The following CHN1 variants were observed in gnomAD, a reference collection of about 807,000 sequenced individuals.
The protein encoded by CHN1 is chimerin 1.
CHN1 carries 37 observed loss-of-function variants against 59.5 expected under a neutral mutation model. The observed-to-expected ratio is 0.62, with a 90% CI of 0.48 to 0.82. The LOEUF (loss-of-function observed/expected upper bound fraction) is 0.82, where lower values mean the gene tolerates loss of function less well. Ranked by LOEUF, CHN1 falls within the 40% of genes least tolerant of loss-of-function variation. The pLI is 0.00. For synonymous variants in CHN1, 206 were observed against 200.4 expected (o/e 1.03, Z -0.24); for missense variants, 469 against 571.0 (o/e 0.82, Z 1.82).
chr2:174,805,853 C>T (rs941438495), intron 11 of CHN1, among the ~76,000 whole-genome samples: 3 of 152,164 alleles, frequency 2.0e-5, no homozygotes, highest in Non-Finnish European at 4.4e-5. Flanking sequence ...GGCTTCTCTT[C>T]CAGAGATTTC....
intron 5 of CHN1, among the ~76,000 whole-genome samples, chr2:174,883,067 A>G (rs1458942379): frequency 6.6e-6 from 1 of 152,210 alleles, no homozygotes; most frequent in Admixed American, 6.5e-5. Flanking sequence ...AATCATTTTC[A>G]GTGAAGAAGA....
intron 8 of CHN1, among the ~76,000 whole-genome samples, chr2:174,821,400 T>C (rs1685491573): frequency 6.6e-6 from 1 of 152,138 alleles, no homozygotes; most frequent in African/African-American, 2.4e-5. Flanking sequence ...TCGCCTCCCT[T>C]TTATAAGGGC....
chr2:174,952,100 A>G, intron 2 of CHN1, 64 bp downstream of exon 2: 1 of 1,001,106 alleles, frequency 1.0e-6, no homozygotes, highest in Non-Finnish European at 1.4e-6. Context: ...TTTCTATCTA[A>G]TAATCCCATA....
At chr2:174,883,895 A>G (rs1446722663) in intron 5 of CHN1, among the ~76,000 whole-genome samples, 1 of 151,850 alleles carries the variant, frequency 6.6e-6, no homozygotes, top group Non-Finnish European at 1.5e-5. Flanking sequence ...TTAAAGAACA[A>G]AAAGACAAAA....
intron 7 of CHN1, chr2:174,846,520 G>T: frequency 7.3e-7 from 1 of 1,366,720 alleles, no homozygotes; most frequent in Non-Finnish European, 9.6e-7. Context: ...CAGAAACACA[G>T]ATCTAATCCT....
chr2:174,945,923 G>A (rs997474467), intron 2 of CHN1, among the ~76,000 whole-genome samples: 1 of 145,654 alleles, frequency 6.9e-6, no homozygotes, highest in Non-Finnish European at 1.5e-5. Context: ...GTGTGTGTGT[G>A]TGTGTGTGTA....
intron 6 of CHN1, among the ~76,000 whole-genome samples, chr2:174,850,922 T>C (rs1023838494): frequency 1.3e-5 from 2 of 152,160 alleles, no homozygotes; most frequent in Admixed American, 1.3e-4. Flanking sequence ...CCCACAGCCA[T>C]CCTGGGAAGC....
intron 5 of CHN1, among the ~76,000 whole-genome samples, chr2:174,906,620 T>C (rs2105362063): frequency 6.6e-6 from 1 of 151,986 alleles, no homozygotes; most frequent in Admixed American, 6.6e-5. Context: ...TTTAAAAAAG[T>C]AAGATATGAG....
At chr2:174,923,092 G>A (rs1056382105) in intron 3 of CHN1, among the ~76,000 whole-genome samples, 4 of 151,926 alleles carry the variant, frequency 2.6e-5, no homozygotes, top group African/African-American at 9.7e-5. Flanking sequence ...AAAGAAAAAT[G>A]TATTCGTACA....
intron 5 of CHN1, among the ~76,000 whole-genome samples, chr2:174,880,837 C>A (rs1041557426): frequency 6.6e-6 from 1 of 152,152 alleles, no homozygotes; most frequent in East Asian, 1.9e-4. Flanking sequence ...CACCTGAGGT[C>A]GGGAGTTTGA....
At chr2:174,828,438 G>T (rs992115331) in intron 7 of CHN1, among the ~76,000 whole-genome samples, 2 of 152,074 alleles carry the variant, frequency 1.3e-5, no homozygotes, top group African/African-American at 2.4e-5. Flanking sequence ...TGATGTTTAC[G>T]TCACATACTT....
intron 3 of CHN1, among the ~76,000 whole-genome samples, chr2:174,927,054 G>A (rs964677586): frequency 1.7e-4 from 26 of 151,934 alleles, no homozygotes; most frequent in African/African-American, 5.1e-4. Flanking sequence ...CACTGCGCCC[G>A]GCCTACCCAC....
intron 6 of CHN1, among the ~76,000 whole-genome samples, chr2:174,871,051 A>G (rs1030946395): frequency 9.2e-5 from 14 of 152,108 alleles, no homozygotes; most frequent in East Asian, 1.9e-4. Context: ...GGAAGGATGG[A>G]TGAGATTCAC....
intron 7 of CHN1, among the ~76,000 whole-genome samples, chr2:174,843,966 C>G (rs1181478631): frequency 7.7e-6 from 1 of 130,578 alleles, no homozygotes; most frequent in Non-Finnish European, 1.7e-5. Flanking sequence ...TTTGTTCTCT[C>G]TCTTTCTCTG....
intron 1 of CHN1, among the ~76,000 whole-genome samples, chr2:174,959,721 G>A (rs188778286): frequency 6.6e-6 from 1 of 152,298 alleles, no homozygotes; most frequent in East Asian, 1.9e-4. Context: ...CACACAAAAA[G>A]CTTCTGCGTT....
chr2:174,816,148 A>T (rs1685250165), intron 8 of CHN1, among the ~76,000 whole-genome samples: 1 of 152,200 alleles, frequency 6.6e-6, no homozygotes, highest in African/African-American at 2.4e-5. Context: ...CAGCTGCCTC[A>T]TTACTGCAGG....
At chr2:174,828,172 AG>A (rs1433134796) in intron 7 of CHN1, among the ~76,000 whole-genome samples, 1 of 152,190 alleles carries the variant, frequency 6.6e-6, no homozygotes, top group Non-Finnish European at 1.5e-5. Context: ...AGCATCAGGA[AG>A]GAAGTTCAGT....
At chr2:174,845,013 G>C (rs973056164) in intron 7 of CHN1, among the ~76,000 whole-genome samples, 2 of 152,154 alleles carry the variant, frequency 1.3e-5, no homozygotes, top group Non-Finnish European at 1.5e-5. Context: ...ACCAAGGTAA[G>C]AGTTACAGTT....
chr2:174,811,138 T>A (rs545504237), intron 10 of CHN1: 1 of 155,648 alleles, frequency 6.4e-6, no homozygotes, highest in Admixed American at 6.5e-5. Context: ...GGGGCATGGA[T>A]GACAGGCAGG....
Sources: allele counts gnomAD v4.1 joint callset (sites outside exome capture counted in the v4.1 genomes callset), GRCh38; gene constraint gnomAD v4.1.1; transcripts MANE v1.5; gene names NCBI Gene and HGNC (gene_info 2026-07-23, HGNC 2026-07-21).